Variants in SMARCD3 observed in about 807,000 individuals in gnomAD.
The protein encoded by SMARCD3 is SWI/SNF-related matrix-associated actin-dependent regulator of chromatin subfamily D member 3.
In SMARCD3, 14 loss-of-function variants were observed where a neutral mutation model predicts 58.0. The observed-to-expected ratio is 0.24, with a 90% confidence interval of 0.16 to 0.38. SMARCD3 has a LOEUF of 0.38. SMARCD3 is among the 10% of genes least tolerant of loss of function. The pLI is 1.00. For synonymous variants in SMARCD3, 253 were observed against 253.8 expected (o/e 1.00, Z 0.03); for missense variants, 408 against 636.9 (o/e 0.64, Z 3.87).
chr7:151,269,395 T>C (rs887348630), intron 2 of SMARCD3, among the ~76,000 whole-genome samples: 9 of 152,206 alleles, frequency 5.9e-5, no homozygotes, highest in Admixed American at 5.9e-4. Flanking sequence ...CCCTGAGCCA[T>C]CTCCAGGGAC....
intron 2 of SMARCD3, among the ~76,000 whole-genome samples, chr7:151,258,360 T>G (rs563160455): frequency 6.6e-6 from 1 of 151,174 alleles, no homozygotes; most frequent in Non-Finnish European, 1.5e-5. Context: ...AGGTCAGGAG[T>G]TCGAGAGCAG....
chr7:151,259,610 T>TTTTTTTTTTTTTTTTTG (rs1803845100), intron 2 of SMARCD3, among the ~76,000 whole-genome samples: 1 of 118,106 alleles, frequency 8.5e-6, no homozygotes, highest in African/African-American at 4.0e-5. Flanking sequence ...AGTTTTTTTT[T>TTTTTTTTTTTTTTTTTG]TTTTTTTTTT....
At chr7:151,244,358 G>C (rs963614434) in intron 2 of SMARCD3, among the ~76,000 whole-genome samples, 1 of 152,156 alleles carries the variant, frequency 6.6e-6, no homozygotes, top group Non-Finnish European at 1.5e-5. Context: ...ACTAGGCCCG[G>C]GGTAGTAGCA....
intron 2 of SMARCD3, among the ~76,000 whole-genome samples, chr7:151,256,514 C>T (rs1426869259): frequency 1.3e-5 from 2 of 152,114 alleles, no homozygotes; most frequent in Non-Finnish European, 1.5e-5. Context: ...AATCCAGCTT[C>T]ACCAGCTCCT....
chr7:151,264,988 G>C (rs1804038414), intron 2 of SMARCD3, among the ~76,000 whole-genome samples: 2 of 152,190 alleles, frequency 1.3e-5, no homozygotes, highest in African/African-American at 4.8e-5. Context: ...TCCTGTGATG[G>C]GGATAGCCCA....
rs1301194641 is a variant in SMARCD3 at position 151,246,932 on chromosome 7, A to C, written c.79-1261T>G. ...TGGACACACCACCCACCTCACCCCCAGGCATGAGGAGGGGCCCCCTTGGGC... is the reference window on the plus strand; with the variant it reads ...TGGACACACCACCCACCTCACCCCCCGGCATGAGGAGGGGCCCCCTTGGGC... On this transcript the variant is annotated intron_variant, in intron 1 of 12. Coordinates refer to ENST00000262188, the MANE Select transcript of SMARCD3 (RefSeq NM_001003801.2). The surrounding 1 kb of genome is among the most constrained non-coding windows in gnomAD (Gnocchi z 4.4). Among the ~76,000 whole-genome samples the C allele has an allele frequency of 6.6e-6, 1 of 152,096 alleles. No individual in the cohort carries two copies. The highest frequency in any genetic ancestry group is 1.5e-5 in the Non-Finnish European group (1 of 67,992).
chr7:151,241,964 G>A lies in SMARCD3; in HGVS notation c.690C>T (p.Pro230=). The A allele has an allele frequency of 2.5e-6, 4 of 1,611,904 alleles. No individual in the cohort carries two copies. The highest frequency in any genetic ancestry group is 1.1e-5 in the South Asian group (1 of 90,790). Residue 230 remains proline (P), a synonymous_variant, in exon 7 of 13, where the codon CCC becomes CCT. Coordinates refer to ENST00000262188, the MANE Select transcript of SMARCD3 (RefSeq NM_001003801.2). The surrounding 1 kb of genome is among the most constrained non-coding windows in gnomAD (Gnocchi z 5.3). ...DNHLVEWHRT[P]TTQETDGFQV... is the part of the protein sequence containing the mutation. ...GGAAGCCGTCCGTCTCCTGGGTCGT[G>A]GGTGTCCGATGCCACTGTCCAGGAG... is the stretch of plus-strand genomic sequence containing the variant.
In SMARCD3 at chr7:151,242,023, G is replaced by A. The variant is rs762669812; in HGVS notation, c.676-45C>T. 9 of 1,568,270 alleles carry A rather than the reference G, an allele frequency of 5.7e-6. No homozygotes were observed. Among genetic ancestry groups the A allele is most frequent in the Non-Finnish European group, 7.9e-6 (9 of 1,140,136 alleles). On this transcript the variant is annotated intron_variant, in intron 6 of 12. Transcript: ENST00000262188. This position sits in a 1 kb window ranked among gnomAD's most constrained non-coding sequence, Gnocchi z 4.7. ...TGTGTCTCCCAAAGGCCCATCTGGA[G>A]TGGTGGGGCCCAGGACTCTAGGGTG...
In SMARCD3 at chr7:151,246,302, T is replaced by C. The variant is rs973973191; in HGVS notation, c.79-631A>G. Among the ~76,000 whole-genome samples the C allele has an allele frequency of 6.6e-6, 1 of 152,154 alleles. No individual in the cohort carries two copies. Among genetic ancestry groups the C allele is most frequent in the African/African-American group, 2.4e-5 (1 of 41,426 alleles). ...CATCTCAGCCACTCTGCTCCCTGTG[T>C]CCCTGCTTTTGACCCTTGGGTCCCA... On this transcript the variant is annotated intron_variant, in intron 1 of 12. Coordinates refer to ENST00000262188, the MANE Select transcript of SMARCD3 (RefSeq NM_001003801.2). The surrounding 1 kb of genome is among the most constrained non-coding windows in gnomAD (Gnocchi z 4.4).
At chr7:151,249,933 G>T (rs531765766), upstream of SMARCD3, among the ~76,000 whole-genome samples, 1 of 228 alleles carries the variant, frequency 4.4e-3, no homozygotes, top group Non-Finnish European at 8.3e-3. The surrounding 1 kb of genome is among the most constrained non-coding windows in gnomAD (Gnocchi z 4.8). Flanking sequence ...TCTCCTTCTT[G>T]GGGAGGAGCC....
Position 151,241,357 on chromosome 7 carries a change from A to G in SMARCD3, c.939+135T>C, listed in dbSNP as rs1026639603. ...GAATCCTGGTCGGTCTCTTGGCTCC[A>G]AGACCATGACTGTGTACTGCTTCTG... On this transcript the variant is annotated intron_variant, in intron 8 of 12. Transcript: ENST00000262188. This position sits in a 1 kb window ranked among gnomAD's most constrained non-coding sequence, Gnocchi z 5.3. 1 of 807,668 alleles carries G rather than the reference A, an allele frequency of 1.2e-6. No individual in the cohort carries two copies. Among genetic ancestry groups the G allele is most frequent in the African/African-American group, 1.7e-5 (1 of 59,112 alleles). 50.0% of individuals were successfully genotyped at this position (807,668 alleles called of 1,614,324 possible).
At chr7:151,269,466 A>G (rs969282481) in intron 2 of SMARCD3, among the ~76,000 whole-genome samples, 3 of 152,194 alleles carry the variant, frequency 2.0e-5, no homozygotes, top group African/African-American at 4.8e-5. Flanking sequence ...TAAAAACTTT[A>G]TGAAAGGCAA....
At chr7:151,240,395 G>A (rs777197029) in intron 9 of SMARCD3, 30 bp downstream of exon 9, 2 of 1,595,156 alleles carry the variant, frequency 1.3e-6, no homozygotes, top group Admixed American at 3.3e-5. Context: ...ATCATTCCCT[G>A]GTCTGAGAAG....
intron 2 of SMARCD3, among the ~76,000 whole-genome samples, chr7:151,260,802 T>C (rs1040885154): frequency 1.3e-5 from 2 of 152,160 alleles, no homozygotes; most frequent in East Asian, 1.9e-4. Context: ...GGAGAAGCGA[T>C]GAGAACAGCA....
upstream of SMARCD3, among the ~76,000 whole-genome samples, chr7:151,251,576 C>T (rs933197202): frequency 3.5e-4 from 54 of 152,234 alleles, no homozygotes; most frequent in African/African-American, 1.2e-3. Flanking sequence ...GTGGCTTAAC[C>T]CCAGAAGGGC....
chr7:151,242,307 A>G lies in SMARCD3; in HGVS notation c.580-75T>C. On this transcript the variant is annotated intron_variant, in intron 5 of 12. Coordinates refer to ENST00000262188, the MANE Select transcript of SMARCD3 (RefSeq NM_001003801.2). This position sits in a 1 kb window ranked among gnomAD's most constrained non-coding sequence, Gnocchi z 4.7. ...AGGAGCAGAAGGAGGCCAAGTTGGC[A>G]GCCGACAGGGCAGTGGGCTTAGATG... The G allele has an allele frequency of 7.0e-7, 1 of 1,438,250 alleles. No individual in the cohort carries two copies. Among genetic ancestry groups the G allele is most frequent in the South Asian group, 1.1e-5 (1 of 87,488 alleles). 89.1% of individuals were successfully genotyped at this position (1,438,250 alleles called of 1,614,324 possible).
intron 2 of SMARCD3, among the ~76,000 whole-genome samples, chr7:151,256,472 C>T (rs1255933317): frequency 6.6e-6 from 1 of 152,052 alleles, no homozygotes; most frequent in Non-Finnish European, 1.5e-5. Context: ...CACCTGACCC[C>T]TTGTGTACAC....
chr7:151,246,852 C>A lies in SMARCD3; in HGVS notation c.79-1181G>T, dbSNP rs889029470. Among the ~76,000 whole-genome samples, 1 of 152,068 alleles carries A rather than the reference C, an allele frequency of 6.6e-6. No homozygotes were observed. The highest frequency in any genetic ancestry group is 2.4e-5 in the African/African-American group (1 of 41,388). On this transcript the variant is annotated intron_variant, in intron 1 of 12. Coordinates refer to ENST00000262188, the MANE Select transcript of SMARCD3 (RefSeq NM_001003801.2). This position sits in a 1 kb window ranked among gnomAD's most constrained non-coding sequence, Gnocchi z 4.4. ...CGGGGTGGGATGGGGACTGGGACCA[C>A]GAAAGCAGGAAGAAGATCAGAGGGC...
At chr7:151,271,395 T>C (rs2150617561) in intron 2 of SMARCD3, among the ~76,000 whole-genome samples, 1 of 152,162 alleles carries the variant, frequency 6.6e-6, no homozygotes, top group Non-Finnish European at 1.5e-5. Flanking sequence ...TTCAAGCCTC[T>C]CTTCAGCTTG....
Sources: gnomAD v4.1 joint callset for allele counts (sites outside exome capture counted in the v4.1 genomes callset) on GRCh38, gnomAD v4.1.1 for gene constraint, Gnocchi (gnomAD v3.1) non-coding constraint, MANE v1.5 for transcripts, NCBI Gene and HGNC (gene_info 2026-07-23, HGNC 2026-07-21) for gene names.